RTN4RL1: variants seen among roughly 807,000 people sequenced by gnomAD.
RTN4RL1 encodes the protein reticulon-4 receptor-like 1.
Under a neutral mutation model 25.6 loss-of-function variants are expected in RTN4RL1, and 7 were observed. The ratio of observed to expected loss-of-function variants is 0.27; its 90% confidence interval spans 0.16 to 0.51. The LOEUF is 0.51. RTN4RL1 is among the 20% of genes least tolerant of loss of function. RTN4RL1 has a pLI of 0.97. For missense variants in RTN4RL1, 500 were observed against 615.6 expected, an observed-to-expected ratio of 0.81 and a Z score of 1.99; for synonymous variants, 297 against 288.2, an observed-to-expected ratio of 1.03 and a Z score of -0.31.
intron 1 of RTN4RL1, among the ~76,000 whole-genome samples, chr17:2,005,739 T>TTC (rs61209329): frequency 0.11 from 16,062 of 144,962 alleles, 1,243 homozygotes; most frequent in African/African-American, 0.22. Context: ...CTCTCTCTCT[T>TTC]TCTCTCTCTC....
At chr17:1,951,450 TTTTG>T (rs1227301262) in intron 1 of RTN4RL1, among the ~76,000 whole-genome samples, 5 of 150,460 alleles carry the variant, frequency 3.3e-5, no homozygotes, top group Non-Finnish European at 5.9e-5. Context: ...TTTGTTGTTT[TTTTG>T]TTTGTTTGTT....
chr17:1,991,779 TCC>T (rs1169138922), intron 1 of RTN4RL1, among the ~76,000 whole-genome samples: 8 of 152,168 alleles, frequency 5.3e-5, no homozygotes, highest in Non-Finnish European at 1.2e-4. Context: ...ACCCAGTGGA[TCC>T]CCTCCTGATG....
intron 1 of RTN4RL1, among the ~76,000 whole-genome samples, chr17:2,014,968 T>C (rs1430907953): frequency 6.6e-6 from 1 of 151,846 alleles, no homozygotes; most frequent in Non-Finnish European, 1.5e-5. Flanking sequence ...TGGCAGGCCA[T>C]TCCCTGATGA....
At chr17:1,954,024 A>G (rs1323808144) in intron 1 of RTN4RL1, among the ~76,000 whole-genome samples, 2 of 152,236 alleles carry the variant, frequency 1.3e-5, no homozygotes, top group Non-Finnish European at 2.9e-5. Flanking sequence ...CCAGGACTAC[A>G]GAGTAAAACG....
chr17:1,938,960 C>T (rs1419493742), intron 1 of RTN4RL1, among the ~76,000 whole-genome samples: 1 of 151,380 alleles, frequency 6.6e-6, no homozygotes, highest in Admixed American at 6.6e-5. Context: ...GCAGGAGAAT[C>T]GTTTGAACCT....
intron 1 of RTN4RL1, among the ~76,000 whole-genome samples, chr17:2,011,709 CA>C (rs1212224570): frequency 1.3e-5 from 2 of 152,148 alleles, no homozygotes. Flanking sequence ...TGAATCTCTG[CA>C]ATCAGAATTG....
At chr17:2,014,880 C>T (rs1289652238) in intron 1 of RTN4RL1, among the ~76,000 whole-genome samples, 3 of 151,384 alleles carry the variant, frequency 2.0e-5, no homozygotes, top group South Asian at 2.1e-4. Context: ...CAAAGAAGTT[C>T]GGTAGACCTG....
chr17:2,022,432 A>C (rs2067220872), intron 1 of RTN4RL1, among the ~76,000 whole-genome samples: 1 of 152,166 alleles, frequency 6.6e-6, no homozygotes, highest in African/African-American at 2.4e-5. Flanking sequence ...GATTACAGCC[A>C]TGAGCCACCA....
At chr17:1,950,431 G>A (rs564205725) in intron 1 of RTN4RL1, among the ~76,000 whole-genome samples, 11 of 152,290 alleles carry the variant, frequency 7.2e-5, no homozygotes, top group African/African-American at 2.6e-4. Context: ...GCACAGCTGA[G>A]GATGCATAAC....
rs1245550664 is a variant in RTN4RL1, at chr17:1,936,507, T to G, written c.1315A>C (p.Thr439Pro). 2 of 1,545,144 alleles carry G rather than the reference T, an allele frequency of 1.3e-6. No individual in the cohort carries two copies. The highest frequency in any genetic ancestry group is 1.7e-6 in the Non-Finnish European group (2 of 1,148,158). Residue 439 changes from threonine to proline, a missense_variant, in exon 2 of 2, where the codon ACT (threonine) becomes CCT (proline). This residue lies in a region of RTN4RL1 where 268 missense variants were observed against 274.5 expected (regional missense o/e 0.98). Coordinates refer to ENST00000331238, the MANE Select transcript of RTN4RL1 (RefSeq NM_178568.4). ...GACGCCCTGGGTCCTCAGCGGAGAG[T>G]GACCGCCAGCCCCAGTGTCCAGGCC... ...LLAWTLGLAV[T>P]LR
At position 1,987,078 on chromosome 17, in the gene RTN4RL1, G is replaced by A. The variant is rs181083953; in HGVS notation, c.13+37775C>T. On this transcript the variant is annotated intron_variant, in intron 1 of 1. Transcript: ENST00000331238. Reference sequence around the variant, plus strand: ...CAGGTGCGAAGGAGAAAGAAAAAAGGTTCAGCAAACCACCTGTAGGCAGCC... The same window carrying A: ...CAGGTGCGAAGGAGAAAGAAAAAAGATTCAGCAAACCACCTGTAGGCAGCC... Among the ~76,000 whole-genome samples the A allele has an allele frequency of 8.5e-5, 13 of 152,304 alleles. No homozygotes were observed. In the East Asian group the frequency reaches 2.5e-3, roughly 29 times the overall value.
At chr17:1,985,642 C>T (rs2066884439) in intron 1 of RTN4RL1, among the ~76,000 whole-genome samples, 2 of 152,144 alleles carry the variant, frequency 1.3e-5, no homozygotes, top group African/African-American at 4.8e-5. Flanking sequence ...CAAGTAGTTC[C>T]ATCTGAGAAA....
chr17:1,971,917 G>A (rs1338363547), intron 1 of RTN4RL1, among the ~76,000 whole-genome samples: 2 of 137,586 alleles, frequency 1.5e-5, no homozygotes, highest in Non-Finnish European at 3.0e-5. Flanking sequence ...AGCCGAGATT[G>A]CGCCACTGCA....
chr17:1,952,134 CAT>C (rs548942532), intron 1 of RTN4RL1, among the ~76,000 whole-genome samples: 207 of 152,282 alleles, frequency 1.4e-3, no homozygotes, highest in African/African-American at 4.1e-3. Context: ...TCAAACGACA[CAT>C]GTCTCTCCTG....
At chr17:2,014,349 A>C (rs1320695956) in intron 1 of RTN4RL1, among the ~76,000 whole-genome samples, 1 of 152,194 alleles carries the variant, frequency 6.6e-6, no homozygotes, top group Non-Finnish European at 1.5e-5. Context: ...AGGAAGGCTG[A>C]GTACCATGAC....
At chr17:1,963,033 G>A (rs1251743483) in intron 1 of RTN4RL1, among the ~76,000 whole-genome samples, 1 of 151,980 alleles carries the variant, frequency 6.6e-6, no homozygotes, top group African/African-American at 2.4e-5. Flanking sequence ...GAACTCCTGG[G>A]CTCAAACGAT....
intron 1 of RTN4RL1, 116 bp from the exon 2 acceptor site, chr17:1,937,924 T>C: frequency 1.1e-6 from 1 of 870,894 alleles, no homozygotes. Flanking sequence ...CGTGAGAGCC[T>C]TGTCCCTGGC....
chr17:1,936,595 G>A lies in RTN4RL1; in HGVS notation c.1227C>T (p.Pro409=). The A allele has an allele frequency of 6.3e-7, 1 of 1,582,888 alleles. No individual in the cohort carries two copies. The highest frequency in any genetic ancestry group is 2.3e-5 in the East Asian group (1 of 43,688). The change falls in exon 2 of 2, where the codon CCC becomes CCT. Residue 409 remains proline (P), a synonymous_variant. Coordinates refer to ENST00000331238, the MANE Select transcript of RTN4RL1 (RefSeq NM_178568.4). ...KRKGKCARRT[P]IRAPSGVQQA... ...GCTGCACCCCGCTGGGGGCACGGAT[G>A]GGGGTCCTGCGGGCACACTTGCCCT... is the stretch of plus-strand genomic sequence containing the variant.
chr17:2,002,258 T>A (rs955076040), intron 1 of RTN4RL1, among the ~76,000 whole-genome samples: 2 of 151,406 alleles, frequency 1.3e-5, no homozygotes, highest in Admixed American at 6.6e-5. Flanking sequence ...CCTCCTTTCT[T>A]TTTTCTTTCT....
Sources: allele counts gnomAD v4.1 joint callset (sites outside exome capture counted in the v4.1 genomes callset), GRCh38; gene constraint gnomAD v4.1.1; regional missense constraint gnomAD v4.1.1; transcripts MANE v1.5; gene names NCBI Gene and HGNC (gene_info 2026-07-23, HGNC 2026-07-21).